The following IQSEC1 variants were observed in gnomAD, a reference collection of about 807,000 sequenced individuals.
IQSEC1 encodes the protein IQ motif and SEC7 domain-containing protein 1.
In IQSEC1, 31 loss-of-function variants were observed where a neutral mutation model predicts 91.0. That is an observed-to-expected ratio of 0.34 (90% CI 0.26 to 0.46). IQSEC1 has a LOEUF of 0.46. IQSEC1 is among the 20% of genes least tolerant of loss of function. The pLI is 1.00. For missense variants in IQSEC1, 1,388 were observed against 1,575.6 expected (o/e 0.88, Z 2.02); for synonymous variants, 699 against 662.6 (o/e 1.05, Z -0.84).
intron 1 of IQSEC1, among the ~76,000 whole-genome samples, chr3:13,063,390 T>C (rs1705132379): frequency 6.6e-6 from 1 of 152,240 alleles, no homozygotes; most frequent in South Asian, 2.1e-4. Flanking sequence ...TGGCATTTGA[T>C]GGAATGTTAT....
At chr3:13,011,481 G>C (rs1452220428) in intron 1 of IQSEC1, among the ~76,000 whole-genome samples, 3 of 152,208 alleles carry the variant, frequency 2.0e-5, no homozygotes, top group East Asian at 3.8e-4. Context: ...CTGAAGCTCA[G>C]AGAAGTAAAG....
intron 1 of IQSEC1, among the ~76,000 whole-genome samples, chr3:13,033,000 A>C (rs1009073981): frequency 6.6e-6 from 1 of 152,248 alleles, no homozygotes; most frequent in Non-Finnish European, 1.5e-5. Context: ...GTGCCTTTGG[A>C]AATGACCTCT....
chr3:13,031,500 C>T (rs1703840712), intron 1 of IQSEC1, among the ~76,000 whole-genome samples: 1 of 152,210 alleles, frequency 6.6e-6, no homozygotes, highest in African/African-American at 2.4e-5. Context: ...GGTCTCCCGG[C>T]AAGCCCATGG....
chr3:13,145,949 G>C (rs1349344731), intron 2 of IQSEC1, among the ~76,000 whole-genome samples: 2 of 152,192 alleles, frequency 1.3e-5, no homozygotes, highest in Non-Finnish European at 2.9e-5. Flanking sequence ...GCATGAGCAG[G>C]AGGGAATCTC....
At chr3:13,244,686 T>C (rs932230194) in intron 1 of IQSEC1, among the ~76,000 whole-genome samples, 5 of 152,198 alleles carry the variant, frequency 3.3e-5, no homozygotes, top group Non-Finnish European at 7.3e-5. Context: ...GGGCATGCGA[T>C]AAATCAGTGG....
chr3:12,987,774 G>A (rs1016813561), intron 1 of IQSEC1, among the ~76,000 whole-genome samples: 1 of 152,216 alleles, frequency 6.6e-6, no homozygotes, highest in Admixed American at 6.5e-5. Flanking sequence ...CAAGATGGGT[G>A]AAAGGCATGA....
chr3:13,060,595 C>T (rs1705030247), intron 1 of IQSEC1, among the ~76,000 whole-genome samples: 1 of 152,232 alleles, frequency 6.6e-6, no homozygotes. Flanking sequence ...AGGGGGCCAC[C>T]TGCCCAAGGC....
rs1202154663 is a variant in IQSEC1, at chr3:12,922,848, C to T, written c.1731-606G>A. 6.6e-6 allele frequency among the ~76,000 whole-genome samples: 1 copy of T among 152,148 alleles called. No individual in the cohort carries two copies. Among genetic ancestry groups the T allele is most frequent in the Non-Finnish European group, 1.5e-5 (1 of 68,030 alleles). ...TCCCATGGCCCTGCCCCGGCACACC[C>T]TTCCAGTCCCTCCTATGGTGACCCC... On this transcript the variant is annotated intron_variant, in intron 4 of 13. Coordinates refer to ENST00000613206, the MANE Select transcript of IQSEC1 (RefSeq NM_001134382.3). This position sits in a 1 kb window ranked among gnomAD's most constrained non-coding sequence, Gnocchi z 5.1.
intron 1 of IQSEC1, among the ~76,000 whole-genome samples, chr3:12,985,499 C>G (rs559413909): frequency 2.0e-5 from 3 of 152,138 alleles, no homozygotes; most frequent in Admixed American, 6.5e-5. Flanking sequence ...ATCCCCCCCC[C>G]CCCGCCAACC....
chr3:13,123,890 T>G (rs1411097141), intron 2 of IQSEC1, among the ~76,000 whole-genome samples: 1 of 152,254 alleles, frequency 6.6e-6, no homozygotes, highest in Non-Finnish European at 1.5e-5. Flanking sequence ...ATCAGGGGTC[T>G]GCAAACCATG....
Position 13,199,665 on chromosome 3 carries a change from G to A in IQSEC1, c.273-35532C>T, listed in dbSNP as rs138526955. ...GACTGGCCCCATATAGGCTTCCTGC[G>A]CCACGGCCTGGAGTGGCCCCTGAGG... On this transcript the variant is annotated intron_variant, in intron 1 of 15. Transcript: ENST00000648114. Among the ~76,000 whole-genome samples the A allele has an allele frequency of 1.5e-3, 232 of 152,164 alleles. 1 individual carries two copies. The highest frequency in any genetic ancestry group is 5.5e-3 in the African/African-American group (227 of 41,504).
chr3:13,171,999 G>C (rs60598844), intron 1 of IQSEC1, among the ~76,000 whole-genome samples: 13,461 of 152,226 alleles, frequency 0.088, 637 homozygotes, highest in Middle Eastern at 0.12. Context: ...CAGGAGCCTG[G>C]GCTAAGCTCA....
rs749858779 is a variant in IQSEC1, at chr3:12,900,461, A to ATATATATT, written c.*514_*521dup. 9.1e-5 allele frequency: 64 copies of ATATATATT among 707,136 alleles called. No homozygotes were observed. The East Asian group carries it at 9.3e-4, about 10-fold the overall frequency. 43.8% of individuals were successfully genotyped at this position (707,136 alleles called of 1,614,324 possible). A position where few individuals can be genotyped will look rare whatever the true frequency, so the allele number is the denominator to read the frequency against. On this transcript the variant is annotated 3_prime_UTR_variant, in exon 14 of 14. Coordinates refer to ENST00000613206, the MANE Select transcript of IQSEC1 (RefSeq NM_001134382.3). ...AGTACTACCTATACAGTATATATAT[A>ATATATATT]TATATATTTATATATTTATATATTT...
chr3:13,105,118 G>A (rs1256771996), intron 2 of IQSEC1, among the ~76,000 whole-genome samples: 2 of 152,106 alleles, frequency 1.3e-5, no homozygotes, highest in African/African-American at 4.8e-5. Flanking sequence ...TCTCTGGCTC[G>A]GCATTCAAGG....
intron 1 of IQSEC1, among the ~76,000 whole-genome samples, chr3:13,025,405 T>A (rs923302973): frequency 1.3e-5 from 2 of 152,198 alleles, no homozygotes; most frequent in African/African-American, 4.8e-5. Flanking sequence ...GAACTTGGCC[T>A]TTGAGGGCAG....
chr3:12,949,630 C>T (rs915468687), intron 1 of IQSEC1, among the ~76,000 whole-genome samples: 1 of 152,244 alleles, frequency 6.6e-6, no homozygotes, highest in East Asian at 1.9e-4. Flanking sequence ...TTCTGTGGCT[C>T]TTCTCTGCCT....
upstream of IQSEC1, among the ~76,000 whole-genome samples, chr3:13,073,547 GCGCGGCCGCTCGGCTGCGCCCT>G (rs1231557017): frequency 6.6e-6 from 1 of 151,682 alleles, no homozygotes; most frequent in Non-Finnish European, 1.5e-5. Flanking sequence ...GCAGCATCAG[GCGCGGCCGCTCGGCTGCGCCCT>G]CGCGGCAAAG....
At chr3:12,991,591 C>T (rs910838214) in intron 1 of IQSEC1, among the ~76,000 whole-genome samples, 1 of 152,214 alleles carries the variant, frequency 6.6e-6, no homozygotes, top group Non-Finnish European at 1.5e-5. Context: ...ACTCTCCTAC[C>T]AGAGGCCAGA....
chr3:13,230,152 G>A (rs1694818664), intron 1 of IQSEC1, among the ~76,000 whole-genome samples: 1 of 152,228 alleles, frequency 6.6e-6, no homozygotes, highest in Non-Finnish European at 1.5e-5. Flanking sequence ...ATAAAGAACA[G>A]AGGGTCCCAG....
Sources: allele counts gnomAD v4.1 joint callset (sites outside exome capture counted in the v4.1 genomes callset), GRCh38; gene constraint gnomAD v4.1.1; non-coding constraint Gnocchi (gnomAD v3.1); transcripts MANE v1.5; gene names NCBI Gene and HGNC (gene_info 2026-07-23, HGNC 2026-07-21).